Variants in FBH1 observed in about 807,000 individuals in gnomAD.
FBH1 encodes the protein F-box DNA helicase 1.
A neutral mutation model predicts 115.5 loss-of-function variants in FBH1; 43 were observed. The ratio of observed to expected loss-of-function variants is 0.37; its 90% CI spans 0.29 to 0.48. FBH1 has a LOEUF of 0.48. Ranked by LOEUF, FBH1 falls within the 20% of genes least tolerant of loss-of-function variation. The pLI is 0.99. For missense variants in FBH1, 1,001 were observed against 1,337.3 expected (o/e 0.75, Z 3.92); for synonymous variants, 524 against 507.8 (o/e 1.03, Z -0.43).
In FBH1 at chr10:5,895,775, C is replaced by G. The variant is rs1187887361; in HGVS notation, c.1+5429C>G. ...TAAGGATGTCCTGGGAATCAGCTTC[C>G]CAGTTAAGGGGAAGAGGAGAAGAGT... On this transcript the variant is annotated intron_variant, in intron 1 of 20. Coordinates refer to ENST00000362091, the MANE Select transcript of FBH1 (RefSeq NM_178150.3). This position sits in a 1 kb window ranked among gnomAD's most constrained non-coding sequence, Gnocchi z 5.0. Among the ~76,000 whole-genome samples, 1 of 152,028 alleles carries G rather than the reference C, an allele frequency of 6.6e-6. No individual in the cohort carries two copies. Among genetic ancestry groups the G allele is most frequent in the Non-Finnish European group, 1.5e-5 (1 of 68,014 alleles).
At position 5,918,249 on chromosome 10, in the gene FBH1, G is replaced by A. The variant is rs762766952; in HGVS notation, c.1964-93G>A. ...GCGACCGTGAGGTCCAGTGTGCCCTGGCTTAGCTTCGTGGAAGTGTTTTTG... is the reference window on the plus strand; with the variant it reads ...GCGACCGTGAGGTCCAGTGTGCCCTAGCTTAGCTTCGTGGAAGTGTTTTTG... On this transcript the variant is annotated intron_variant, in intron 12 of 20. Transcript: ENST00000362091. This position sits in a 1 kb window ranked among gnomAD's most constrained non-coding sequence, Gnocchi z 4.0. The A allele has an allele frequency of 2.2e-5, 33 of 1,519,424 alleles. No homozygotes were observed. Among genetic ancestry groups the A allele is most frequent in the Admixed American group, 8.3e-5 (4 of 48,234 alleles). The allele number at this position is 1,519,424 out of a possible 1,614,324, so 94.1% of individuals were successfully genotyped here.
rs34817242 is a variant in FBH1 at position 5,907,472 on chromosome 10, GT to G, written c.753+859del. Among the ~76,000 whole-genome samples, 876 of 111,210 alleles carry G rather than the reference GT, an allele frequency of 7.9e-3. 4 individuals are homozygous for G. Among genetic ancestry groups the G allele is most frequent in the African/African-American group, 0.02 (618 of 30,476 alleles). The allele number at this position is 111,210 out of a possible 152,430, so 73.0% of individuals were successfully genotyped here. On this transcript the variant is annotated intron_variant, in intron 3 of 20. Transcript: ENST00000362091. ...AAGAATGTGTTTTTTGTTGTTGTTG[GT>G]TTTTTTTTTTTTTTTTTTGAGACAG...
In FBH1 at chr10:5,923,240, C is replaced by G. The variant is rs1832417997; in HGVS notation, c.2323-381C>G. On this transcript the variant is annotated intron_variant, in intron 15 of 20. Coordinates refer to ENST00000362091, the MANE Select transcript of FBH1 (RefSeq NM_178150.3). This position sits in a 1 kb window ranked among gnomAD's most constrained non-coding sequence, Gnocchi z 5.7. ...ATGTGCATACCCAGCACTTTGTATT[C>G]AGGTGCCATTTGTGTTCTTTGGAAT... Among the ~76,000 whole-genome samples the G allele has an allele frequency of 6.6e-6, 1 of 152,182 alleles. No individual in the cohort carries two copies. The highest frequency in any genetic ancestry group is 6.5e-5 in the Admixed American group (1 of 15,286).
rs777462890 is a variant in FBH1 at position 5,903,005 on chromosome 10, G to C, written c.2-15G>C. ...AATGAATATCCCCTTTCTTCTACCTGCTGGTATGAAACAGTGAGACGGTTT... is the reference window on the plus strand; with the variant it reads ...AATGAATATCCCCTTTCTTCTACCTCCTGGTATGAAACAGTGAGACGGTTT... On this transcript the variant is annotated splice_polypyrimidine_tract_variant and intron_variant, in intron 1 of 20. Coordinates refer to ENST00000362091, the MANE Select transcript of FBH1 (RefSeq NM_178150.3). 6.3e-7 allele frequency: 1 copy of C among 1,595,680 alleles called. No homozygotes were observed. The highest frequency in any genetic ancestry group is 1.1e-5 in the South Asian group (1 of 88,984).
rs1833047491 is a variant in FBH1 at position 5,933,001 on chromosome 10, G to A, written c.2830-3455G>A. Among the ~76,000 whole-genome samples the A allele has an allele frequency of 6.6e-6, 1 of 152,150 alleles. No individual in the cohort carries two copies. The highest frequency in any genetic ancestry group is 1.5e-5 in the Non-Finnish European group (1 of 68,038). ...CAAAGTGCTAGGATTACAGGCATGA[G>A]CCACTGCACCTGGCCAAGTGTGACT... On this transcript the variant is annotated intron_variant, in intron 19 of 20. Transcript: ENST00000362091. This position sits in a 1 kb window ranked among gnomAD's most constrained non-coding sequence, Gnocchi z 4.9.
intron 2 of FBH1, among the ~76,000 whole-genome samples, chr10:5,904,925 C>T (rs574682363): frequency 5.6e-4 from 86 of 152,228 alleles, no homozygotes; most frequent in African/African-American, 1.9e-3. Flanking sequence ...AGTCCATTCT[C>T]TTCCAAAGTG....
In FBH1 at chr10:5,927,126, G is replaced by A. The variant is rs149785965; in HGVS notation, c.2723-309G>A. 8.3e-3 allele frequency among the ~76,000 whole-genome samples: 1,261 copies of A among 152,284 alleles called. 13 individuals carry two copies. The highest frequency in any genetic ancestry group is 0.013 in the Admixed American group (192 of 15,302). ...CCCGTCTGTCTCACGGGCTTGTTGT[G>A]GGAACTGGCATAATGACTGTAAACA... is the stretch of plus-strand genomic sequence containing the variant. On this transcript the variant is annotated intron_variant, in intron 18 of 20. Coordinates refer to ENST00000362091, the MANE Select transcript of FBH1 (RefSeq NM_178150.3).
chr10:5,890,637 C>T (rs1326749019), intron 1 of FBH1, among the ~76,000 whole-genome samples: 11 of 151,988 alleles, frequency 7.2e-5, no homozygotes. Context: ...CGTGTGGGTC[C>T]TCGGGGCTGA....
Position 5,918,524 on chromosome 10 carries a change from G to A in FBH1, c.2100+46G>A, listed in dbSNP as rs1832116596. On this transcript the variant is annotated intron_variant, in intron 13 of 20. Transcript: ENST00000362091. This position sits in a 1 kb window ranked among gnomAD's most constrained non-coding sequence, Gnocchi z 4.0. The stretch of plus-strand genomic sequence containing the variant: ...GGAGGCATTGCATCTCTCTCCCAAT[G>A]TCTTACGTGCCAGGCCCTGTGAAAG... The A allele has an allele frequency of 2.0e-6, 3 of 1,517,228 alleles. No homozygotes were observed. Among genetic ancestry groups the A allele is most frequent in the African/African-American group, 2.9e-5 (2 of 70,144 alleles). 94.0% of individuals were successfully genotyped at this position (1,517,228 alleles called of 1,614,324 possible). A position where few individuals can be genotyped will look rare whatever the true frequency, so the allele number is the denominator to read the frequency against.
chr10:5,919,553 G>T (rs553894604), intron 13 of FBH1, among the ~76,000 whole-genome samples: 2 of 152,304 alleles, frequency 1.3e-5, no homozygotes, highest in East Asian at 3.9e-4. Flanking sequence ...AATATAGATA[G>T]ATAGAGCTCA....
In FBH1 at chr10:5,936,640, G is replaced by C; in HGVS notation, c.2961+53G>C. 1 of 1,604,494 alleles carries C rather than the reference G, an allele frequency of 6.2e-7. No homozygotes were observed. The highest frequency in any genetic ancestry group is 8.5e-7 in the Non-Finnish European group (1 of 1,173,184). The stretch of plus-strand genomic sequence containing the variant: ...TCAGCCATTTGCATTTTTTGCTTGT[G>C]AGCTCTGTGCTTATCTGGGTTGTAG... On this transcript the variant is annotated intron_variant, in intron 20 of 20. Coordinates refer to ENST00000362091, the MANE Select transcript of FBH1 (RefSeq NM_178150.3). This position sits in a 1 kb window ranked among gnomAD's most constrained non-coding sequence, Gnocchi z 5.6.
In FBH1 at chr10:5,914,237, C is replaced by G. The variant is rs1292316424; in HGVS notation, c.1364C>G (p.Pro455Arg). 3 of 1,614,268 alleles carry G rather than the reference C, an allele frequency of 1.9e-6. No individual in the cohort carries two copies. In the East Asian group the frequency reaches 6.7e-5, roughly 36 times the overall value. Residue 455 changes from proline to arginine, a missense_variant, in exon 8 of 21, where the codon CCT becomes CGT. Pro to Arg is a moderately radical substitution (Grantham distance 103). This residue lies in a region of FBH1 where 521 missense variants were observed against 811.0 expected (regional missense o/e 0.64). Transcript: ENST00000362091. This position sits in a 1 kb window ranked among gnomAD's most constrained non-coding sequence, Gnocchi z 5.2. ...QQLILNHKME[P>R]LQVVKIMAFA... ...CTGATTCTGAATCACAAGATGGAAC[C>G]TCTCCAGGTGGTGAAAATTATGGCC...
intron 1 of FBH1, chr10:5,893,879 T>C: frequency 3.7e-6 from 2 of 547,582 alleles, no homozygotes; most frequent in Non-Finnish European, 4.7e-6. Flanking sequence ...GTGGAATGAA[T>C]TGACTGTAGA....
Position 5,909,537 on chromosome 10 carries a change from G to A in FBH1, c.1020+243G>A. ...ATTTAGTCTGATTTCCCATTTGGTT[G>A]AGGAATCTTCTCTGAAATATTTCTG... On this transcript the variant is annotated intron_variant, in intron 5 of 20. Coordinates refer to ENST00000362091, the MANE Select transcript of FBH1 (RefSeq NM_178150.3). This position sits in a 1 kb window ranked among gnomAD's most constrained non-coding sequence, Gnocchi z 4.4. 2.2e-6 allele frequency: 1 copy of A among 460,012 alleles called. No individual in the cohort carries two copies. Among genetic ancestry groups the A allele is most frequent in the Non-Finnish European group, 3.8e-6 (1 of 265,264 alleles). The allele number at this position is 460,012 out of a possible 1,614,324, so 28.5% of individuals were successfully genotyped here.
chr10:5,903,889 G>T (rs1003722306), intron 2 of FBH1, among the ~76,000 whole-genome samples: 3 of 152,112 alleles, frequency 2.0e-5, no homozygotes. Flanking sequence ...CTAGGACCTG[G>T]ACTACTACAG....
chr10:5,895,254 C>T lies in FBH1; in HGVS notation c.1+4908C>T. The T allele has an allele frequency of 6.5e-7, 1 of 1,536,294 alleles. No individual in the cohort carries two copies. The highest frequency in any genetic ancestry group is 1.4e-5 in the African/African-American group (1 of 73,100). On this transcript the variant is annotated intron_variant, in intron 1 of 20. Transcript: ENST00000362091. This position sits in a 1 kb window ranked among gnomAD's most constrained non-coding sequence, Gnocchi z 5.0. ...TCCAAAATTGTCCAGATTAGCAAAA[C>T]TGCCCTCTGTGGATCTTTGTTAAAG...
At chr10:5,905,344 C>T (rs942101728) in intron 2 of FBH1, 6 of 152,182 alleles carry the variant, frequency 3.9e-5, no homozygotes, top group African/African-American at 1.4e-4. Flanking sequence ...CACGGCGAAA[C>T]CCCATCTCTA....
chr10:5,906,411 G>A lies in FBH1; in HGVS notation c.532G>A (p.Gly178Ser). The change falls in exon 3 of 21, where the codon GGT becomes AGT. Residue 178 changes from glycine to serine, a missense_variant. Around this residue, in one of 4 missense-constraint regions of FBH1, gnomAD observed 420 missense variants for 430.4 expected, o/e 0.98. Transcript: ENST00000362091. The surrounding 1 kb of genome is among the most constrained non-coding windows in gnomAD (Gnocchi z 7.3). ...DSTSRLSAES[G>S]ETDQDAGDVG... The stretch of plus-strand genomic sequence containing the variant: ...TACGTCTCGGCTCTCTGCGGAGTCT[G>A]GTGAAACCGACCAAGATGCTGGGGA... 6.2e-7 allele frequency: 1 copy of A among 1,614,188 alleles called. No individual in the cohort carries two copies. The highest frequency in any genetic ancestry group is 8.5e-7 in the Non-Finnish European group (1 of 1,179,990).
intron 19 of FBH1, chr10:5,929,722 A>G (rs183559777): frequency 2.0e-5 from 3 of 152,244 alleles, no homozygotes; most frequent in African/African-American, 7.2e-5. Context: ...ATTCACAAAA[A>G]CGGCCATTGT....
Sources: gnomAD v4.1 joint callset for allele counts (sites outside exome capture counted in the v4.1 genomes callset) on GRCh38, gnomAD v4.1.1 for gene constraint, gnomAD v4.1.1 regional missense constraint, Gnocchi (gnomAD v3.1) non-coding constraint, MANE v1.5 for transcripts, NCBI Gene and HGNC (gene_info 2026-07-23, HGNC 2026-07-21) for gene names.